The following EYS variants were observed in gnomAD, a reference collection of about 807,000 sequenced individuals.
EYS encodes the protein protein eyes shut homolog.
Under a neutral mutation model 282.1 loss-of-function variants are expected in EYS, and 250 were observed. The ratio of observed to expected loss-of-function variants is 0.89; its 90% CI spans 0.80 to 0.98. EYS has a LOEUF of 0.98. Ranked by LOEUF, EYS falls within the 50% of genes least tolerant of loss-of-function variation. The pLI is 0.00. For synonymous variants in EYS, 1,355 were observed against 1,282.9 expected, an observed-to-expected ratio of 1.06 and a Z score of -1.20; for missense variants, 4,016 against 3,709.0, an observed-to-expected ratio of 1.08 and a Z score of -2.15.
At chr6:64,684,771 G>A (rs549483670) in intron 22 of EYS, among the ~76,000 whole-genome samples, 12 of 151,270 alleles carry the variant, frequency 7.9e-5, no homozygotes, top group Admixed American at 6.6e-4. Context: ...TCCCAAGGAC[G>A]TTAATAAAAA....
chr6:64,736,280 C>T (rs1192027888), intron 22 of EYS, among the ~76,000 whole-genome samples: 2 of 151,928 alleles, frequency 1.3e-5, no homozygotes, highest in Non-Finnish European at 2.9e-5. Flanking sequence ...TACTTAAATA[C>T]ATTACATATA....
At chr6:65,444,250 T>A (rs1303073238) in intron 5 of EYS, among the ~76,000 whole-genome samples, 1 of 152,026 alleles carries the variant, frequency 6.6e-6, no homozygotes, top group African/African-American at 2.4e-5. Flanking sequence ...TAAAAGCTTA[T>A]CTTCAATAAA....
At chr6:65,292,316 A>G (rs946135904) in intron 12 of EYS, among the ~76,000 whole-genome samples, 7 of 151,678 alleles carry the variant, frequency 4.6e-5, no homozygotes, top group African/African-American at 1.7e-4. Flanking sequence ...GTTTTCTGTA[A>G]AACTATCCAT....
intron 2 of EYS, among the ~76,000 whole-genome samples, chr6:65,595,075 T>C (rs1356320800): frequency 2.6e-5 from 4 of 151,992 alleles, no homozygotes; most frequent in Non-Finnish European, 5.9e-5. Flanking sequence ...AGCCTTGTAG[T>C]ATAGTTTGAT....
intron 31 of EYS, among the ~76,000 whole-genome samples, chr6:64,162,539 A>G (rs1035521199): frequency 2.0e-5 from 3 of 152,108 alleles, no homozygotes; most frequent in African/African-American, 7.2e-5. Flanking sequence ...CCCTCTGCTA[A>G]AATCATATAG....
intron 22 of EYS, among the ~76,000 whole-genome samples, chr6:64,770,968 T>G (rs2149985901): frequency 6.6e-6 from 1 of 151,854 alleles, no homozygotes; most frequent in East Asian, 1.9e-4. Flanking sequence ...CAAGTCCAAA[T>G]TGCCAAATAC....
At chr6:64,071,502 C>T (rs552867816) in intron 32 of EYS, among the ~76,000 whole-genome samples, 1 of 151,522 alleles carries the variant, frequency 6.6e-6, no homozygotes, top group East Asian at 2.0e-4. Context: ...TAATATCTCA[C>T]CAGTTACTAC....
intron 26 of EYS, among the ~76,000 whole-genome samples, chr6:64,569,859 G>T (rs987435882): frequency 6.6e-6 from 1 of 152,168 alleles, no homozygotes; most frequent in Non-Finnish European, 1.5e-5. Flanking sequence ...GGAACCAAGA[G>T]AATGGAAAAC....
intron 26 of EYS, among the ~76,000 whole-genome samples, chr6:64,493,577 C>T (rs1776798693): frequency 6.6e-6 from 1 of 151,428 alleles, no homozygotes; most frequent in Non-Finnish European, 1.5e-5. Context: ...AGTAGGTCCC[C>T]TTCAGTTTCT....
intron 12 of EYS, among the ~76,000 whole-genome samples, chr6:65,069,898 C>A (rs1773856654): frequency 6.6e-6 from 1 of 151,738 alleles, no homozygotes; most frequent in Non-Finnish European, 1.5e-5. Flanking sequence ...ATCTTTCTCC[C>A]AAACCTTTGA....
At position 63,862,423 on chromosome 6, in the gene EYS, A is replaced by T. The variant is rs375588344; in HGVS notation, c.7228+1763T>A. Among the ~76,000 whole-genome samples, 456 of 114,288 alleles carry T rather than the reference A, an allele frequency of 4.0e-3. 4 individuals are homozygous for T. Among genetic ancestry groups the T allele is most frequent in the East Asian group, 0.012 (42 of 3,510 alleles). 75.0% of individuals were successfully genotyped at this position (114,288 alleles called of 152,430 possible). Reference sequence around the variant, plus strand: ...TGGGTGCATGTAGGAATCTTTTTTTAAAAAAAAAAATTTACACTGAGGCAA... The same window carrying T: ...TGGGTGCATGTAGGAATCTTTTTTTTAAAAAAAAAATTTACACTGAGGCAA... On this transcript the variant is annotated intron_variant, in intron 36 of 42. Transcript: ENST00000503581.
intron 11 of EYS, among the ~76,000 whole-genome samples, chr6:65,297,116 T>C (rs1249340562): frequency 6.6e-6 from 1 of 151,334 alleles, no homozygotes; most frequent in Non-Finnish European, 1.5e-5. Flanking sequence ...TAGATCATTT[T>C]AATATAATAA....
intron 30 of EYS, among the ~76,000 whole-genome samples, chr6:64,250,601 A>G (rs1321998004): frequency 6.6e-6 from 1 of 152,260 alleles, no homozygotes. Flanking sequence ...TTTTACATTC[A>G]AAATCCAATA....
intron 12 of EYS, among the ~76,000 whole-genome samples, chr6:65,237,276 C>T (rs935917123): frequency 6.6e-6 from 1 of 152,082 alleles, no homozygotes; most frequent in African/African-American, 2.4e-5. Flanking sequence ...AAGTCAGGGG[C>T]CTCTTATAAA....
chr6:64,816,419 A>G (rs888350977), intron 21 of EYS, among the ~76,000 whole-genome samples: 3 of 152,118 alleles, frequency 2.0e-5, no homozygotes, highest in Admixed American at 1.3e-4. Flanking sequence ...TAGCATTGTA[A>G]GTGATGTGGT....
chr6:65,465,100 C>T lies in EYS; in HGVS notation c.862+25494G>A, dbSNP rs1191530329. ...TGCGTTAATAAGAAAAACCTTTTGC[C>T]ATATTCAAGAACATACAATGTCTAT... On this transcript the variant is annotated intron_variant, in intron 5 of 42. Transcript: ENST00000503581. 5.3e-5 allele frequency among the ~76,000 whole-genome samples: 8 copies of T among 151,990 alleles called. No individual in the cohort carries two copies. In the East Asian group the frequency reaches 1.2e-3, roughly 22 times the overall value.
At position 64,588,262 on chromosome 6, in the gene EYS, A is replaced by G. The variant is rs1014536292; in HGVS notation, c.5644+1961T>C. ...AAGAATTTTAGTGGAACAAGCCATT[A>G]TTATGAATTTTGACAAAATACAAGC... On this transcript the variant is annotated intron_variant, in intron 26 of 42. Transcript: ENST00000503581. 7.9e-5 allele frequency among the ~76,000 whole-genome samples: 12 copies of G among 152,228 alleles called. No individual in the cohort carries two copies. The South Asian group carries it at 2.3e-3, about 29-fold the overall frequency.
intron 1 of EYS, among the ~76,000 whole-genome samples, chr6:65,649,813 C>T (rs1159255776): frequency 2.0e-5 from 3 of 152,044 alleles, no homozygotes; most frequent in Admixed American, 2.0e-4. Flanking sequence ...GGTAAAATGA[C>T]ACAGAGGATG....
intron 36 of EYS, among the ~76,000 whole-genome samples, chr6:63,842,852 A>G (rs1771997400): frequency 6.6e-6 from 1 of 152,182 alleles, no homozygotes; most frequent in Non-Finnish European, 1.5e-5. Context: ...AACACCATTT[A>G]TTAAATAGGG....
Sources: gnomAD v4.1 joint callset for allele counts (sites outside exome capture counted in the v4.1 genomes callset) on GRCh38, gnomAD v4.1.1 for gene constraint, MANE v1.5 for transcripts, NCBI Gene and HGNC (gene_info 2026-07-23, HGNC 2026-07-21) for gene names.